Variants in JAZF1 observed in about 807,000 individuals in gnomAD.
JAZF1 encodes the protein juxtaposed with another zinc finger protein 1.
JAZF1 carries 8 observed loss-of-function variants against 26.4 expected under a neutral mutation model. That is an observed-to-expected ratio of 0.30 (90% CI 0.18 to 0.55). The LOEUF is 0.55. Ranked by LOEUF, JAZF1 falls within the 20% of genes least tolerant of loss-of-function variation. The pLI is 0.94. For missense variants in JAZF1, 199 were observed against 322.0 expected (o/e 0.62, Z 2.92); for synonymous variants, 126 against 122.3 (o/e 1.03, Z -0.20).
intron 1 of JAZF1, among the ~76,000 whole-genome samples, chr7:28,051,636 C>G (rs1203892702): frequency 6.6e-6 from 1 of 152,142 alleles, no homozygotes; most frequent in Non-Finnish European, 1.5e-5. Flanking sequence ...ATCTGTTTCA[C>G]TTATAACCAA....
At position 28,069,690 on chromosome 7, in the gene JAZF1, C is replaced by G. The variant is rs73091066; in HGVS notation, c.116-77709G>C. Among the ~76,000 whole-genome samples, 527 of 152,298 alleles carry G rather than the reference C, an allele frequency of 3.5e-3. 6 individuals carry two copies. The highest frequency in any genetic ancestry group is 4.9e-3 in the Non-Finnish European group (336 of 68,016). ...GGGGGGAGAAAACTAATCTCCAACCCTCTGGTTCACAGGCAATCATGTGCA... is the reference window on the plus strand; with the variant it reads ...GGGGGGAGAAAACTAATCTCCAACCGTCTGGTTCACAGGCAATCATGTGCA... On this transcript the variant is annotated intron_variant, in intron 1 of 4. Coordinates refer to ENST00000283928, the MANE Select transcript of JAZF1 (RefSeq NM_175061.4).
intron 1 of JAZF1, among the ~76,000 whole-genome samples, chr7:28,145,884 C>A (rs1208846125): frequency 1.3e-5 from 2 of 152,132 alleles, no homozygotes; most frequent in African/African-American, 4.8e-5. Context: ...CTGTACGTAG[C>A]CTTTGTGTGT....
At chr7:28,144,109 T>C (rs1782994022) in intron 1 of JAZF1, among the ~76,000 whole-genome samples, 1 of 152,194 alleles carries the variant, frequency 6.6e-6, no homozygotes, top group South Asian at 2.1e-4. Context: ...TGCTTTATAA[T>C]CACTAATTAG....
chr7:28,142,606 A>T (rs1782973973), intron 1 of JAZF1, among the ~76,000 whole-genome samples: 1 of 152,166 alleles, frequency 6.6e-6, no homozygotes, highest in Admixed American at 6.5e-5. Context: ...AGCACAAAGG[A>T]CGCTGCAGTA....
At chr7:28,147,816 G>A (rs1783051610) in intron 1 of JAZF1, among the ~76,000 whole-genome samples, 1 of 151,974 alleles carries the variant, frequency 6.6e-6, no homozygotes, top group Admixed American at 6.6e-5. Context: ...GGCTGAGGTG[G>A]AAGGATCACC....
chr7:28,136,653 T>C (rs1445530854), intron 1 of JAZF1, among the ~76,000 whole-genome samples: 1 of 152,198 alleles, frequency 6.6e-6, no homozygotes, highest in Non-Finnish European at 1.5e-5. Flanking sequence ...ACACCACAAT[T>C]TCAGAGATGA....
chr7:28,132,875 G>A (rs371494669), intron 1 of JAZF1, among the ~76,000 whole-genome samples: 2 of 151,376 alleles, frequency 1.3e-5, no homozygotes, highest in Non-Finnish European at 1.5e-5. Context: ...CCTTCACACC[G>A]TGTACTCCTG....
At chr7:28,037,176 A>G (rs1373116581) in intron 1 of JAZF1, among the ~76,000 whole-genome samples, 1 of 152,212 alleles carries the variant, frequency 6.6e-6, no homozygotes, top group Non-Finnish European at 1.5e-5. Flanking sequence ...GACTAGATGT[A>G]CTCAAACACA....
chr7:27,919,997 G>T (rs774440288), intron 2 of JAZF1, among the ~76,000 whole-genome samples: 1 of 152,140 alleles, frequency 6.6e-6, no homozygotes, highest in Non-Finnish European at 1.5e-5. Context: ...AAGCTAAAGG[G>T]ACTCTCTTAC....
chr7:27,993,873 A>C, intron 1 of JAZF1, among the ~76,000 whole-genome samples: 1 of 152,174 alleles, frequency 6.6e-6, no homozygotes, highest in East Asian at 1.9e-4. Context: ...TTGAAAGAAA[A>C]GGGCACCGTT....
chr7:28,003,481 C>A (rs868737204), intron 1 of JAZF1, among the ~76,000 whole-genome samples: 1 of 152,116 alleles, frequency 6.6e-6, no homozygotes, highest in Non-Finnish European at 1.5e-5. Context: ...GAGTTATGAA[C>A]AATACAACCA....
intron 1 of JAZF1, among the ~76,000 whole-genome samples, chr7:27,993,729 A>G (rs1036681157): frequency 5.9e-5 from 9 of 152,220 alleles, no homozygotes; most frequent in African/African-American, 2.2e-4. Context: ...GGTAAGAAAG[A>G]ACAGGGCAAT....
intron 2 of JAZF1, among the ~76,000 whole-genome samples, chr7:27,984,435 A>T (rs895357927): frequency 6.6e-6 from 1 of 152,200 alleles, no homozygotes; most frequent in Admixed American, 6.5e-5. Flanking sequence ...CCAATACAGG[A>T]TCACCAGATT....
Position 27,849,570 on chromosome 7 carries a change from C to T in JAZF1, c.386-8703G>A, listed in dbSNP as rs200903638. Among the ~76,000 whole-genome samples the T allele has an allele frequency of 2.2e-4, 34 of 151,974 alleles. No homozygotes were observed. In the East Asian group the frequency reaches 4.6e-3, roughly 21 times the overall value. ...AACCTGGGGCAGGCAGGACAGCAGC[C>T]GAAAGGGGCCTCAAGAGCTCATTTC... is the stretch of plus-strand genomic sequence containing the variant. On this transcript the variant is annotated intron_variant, in intron 3 of 4. Coordinates refer to ENST00000283928, the MANE Select transcript of JAZF1 (RefSeq NM_175061.4).
intron 1 of JAZF1, among the ~76,000 whole-genome samples, chr7:28,075,685 C>T (rs1264521647): frequency 6.6e-6 from 1 of 152,020 alleles, no homozygotes; most frequent in Non-Finnish European, 1.5e-5. Flanking sequence ...CATAGTGTTT[C>T]CTATAGTGAA....
At chr7:27,956,436 A>G (rs893700593) in intron 2 of JAZF1, among the ~76,000 whole-genome samples, 1 of 152,184 alleles carries the variant, frequency 6.6e-6, no homozygotes, top group East Asian at 1.9e-4. Context: ...TGGGAATGCT[A>G]TCAAGGAGAA....
intron 3 of JAZF1, among the ~76,000 whole-genome samples, chr7:27,877,947 G>C (rs555131171): frequency 6.6e-6 from 1 of 152,096 alleles, no homozygotes; most frequent in South Asian, 2.1e-4. Flanking sequence ...ATGCAAAGGG[G>C]GACCATCTAC....
intron 1 of JAZF1, among the ~76,000 whole-genome samples, chr7:27,997,327 C>T (rs1031175418): frequency 2.0e-4 from 31 of 152,020 alleles, no homozygotes; most frequent in Admixed American, 1.6e-3. Context: ...GAGGGGAGAG[C>T]GCAGGGCTGA....
chr7:27,841,543 A>G (rs1292085380), intron 3 of JAZF1: 1 of 152,272 alleles, frequency 6.6e-6, no homozygotes, highest in Non-Finnish European at 1.5e-5. Context: ...CTACACACGC[A>G]GTACTAGGCA....
Sources: allele counts gnomAD v4.1 joint callset (sites outside exome capture counted in the v4.1 genomes callset), GRCh38; gene constraint gnomAD v4.1.1; transcripts MANE v1.5; gene names NCBI Gene and HGNC (gene_info 2026-07-23, HGNC 2026-07-21).